MAN1A1: variants seen among roughly 807,000 people sequenced by gnomAD.
MAN1A1 encodes the protein mannosyl-oligosaccharide 1,2-alpha-mannosidase IA.
In MAN1A1, 29 loss-of-function variants were observed where a neutral mutation model predicts 70.8. The observed-to-expected ratio is 0.41, with a 90% CI of 0.31 to 0.56. MAN1A1 has a LOEUF of 0.56. Ranked by LOEUF, MAN1A1 falls within the 20% of genes least tolerant of loss-of-function variation. The pLI is 0.29. For missense variants in MAN1A1, 747 were observed against 841.3 expected (o/e 0.89, Z 1.39); for synonymous variants, 349 against 330.1 (o/e 1.06, Z -0.62).
At chr6:119,229,812 T>C (rs539976347) in intron 6 of MAN1A1, among the ~76,000 whole-genome samples, 41 of 152,248 alleles carry the variant, frequency 2.7e-4, no homozygotes, top group Non-Finnish European at 4.4e-4. Flanking sequence ...TTCAGTTTTT[T>C]GGTAACTGGA....
chr6:119,243,060 A>G (rs1438986385), intron 6 of MAN1A1, among the ~76,000 whole-genome samples: 1 of 152,128 alleles, frequency 6.6e-6, no homozygotes, highest in Non-Finnish European at 1.5e-5. Flanking sequence ...ACTTTTCTAC[A>G]GTTTCTAAAC....
intron 5 of MAN1A1, among the ~76,000 whole-genome samples, chr6:119,257,973 T>C (rs1271100818): frequency 6.6e-6 from 1 of 152,110 alleles, no homozygotes; most frequent in East Asian, 1.9e-4. Context: ...GTGAATAATG[T>C]TTACACTAAA....
chr6:119,225,146 T>C (rs1374993537), intron 6 of MAN1A1, among the ~76,000 whole-genome samples: 2 of 147,550 alleles, frequency 1.4e-5, no homozygotes, highest in Non-Finnish European at 3.0e-5. Context: ...TCTGTCTCAA[T>C]AAAAAAAAAA....
chr6:119,195,532 T>A (rs889712258), intron 8 of MAN1A1, among the ~76,000 whole-genome samples: 1 of 152,196 alleles, frequency 6.6e-6, no homozygotes, highest in Non-Finnish European at 1.5e-5. Context: ...CACACACTTT[T>A]TGGTAGCACA....
At chr6:119,276,830 G>A (rs1208074120) in intron 5 of MAN1A1, among the ~76,000 whole-genome samples, 1 of 152,122 alleles carries the variant, frequency 6.6e-6, no homozygotes, top group East Asian at 1.9e-4. Flanking sequence ...ACAAGTAAAT[G>A]CATCAACCTA....
At chr6:119,333,185 C>T (rs954092996) in intron 2 of MAN1A1, among the ~76,000 whole-genome samples, 4 of 152,186 alleles carry the variant, frequency 2.6e-5, no homozygotes, top group African/African-American at 9.7e-5. Flanking sequence ...AGACAGCTTT[C>T]GAGCAATTCT....
intron 5 of MAN1A1, among the ~76,000 whole-genome samples, chr6:119,279,850 A>C (rs905934759): frequency 8.5e-5 from 13 of 152,300 alleles, no homozygotes; most frequent in African/African-American, 2.6e-4. Context: ...TCTTCAATCA[A>C]AAACAATTTG....
chr6:119,256,276 C>T (rs527322640), intron 5 of MAN1A1, among the ~76,000 whole-genome samples: 1 of 152,056 alleles, frequency 6.6e-6, no homozygotes, highest in African/African-American at 2.4e-5. Flanking sequence ...TGAATAGGCA[C>T]TTTAGATTTA....
intron 6 of MAN1A1, among the ~76,000 whole-genome samples, chr6:119,216,867 G>A (rs1423108942): frequency 6.6e-6 from 1 of 152,158 alleles, no homozygotes; most frequent in Non-Finnish European, 1.5e-5. Flanking sequence ...TACTGTGTTT[G>A]CTGAAAACAG....
At chr6:119,247,528 C>A (rs545039315) in intron 6 of MAN1A1, among the ~76,000 whole-genome samples, 1 of 152,132 alleles carries the variant, frequency 6.6e-6, no homozygotes, top group Non-Finnish European at 1.5e-5. Flanking sequence ...GGCAGGAAGG[C>A]GTTAAGAAGG....
Position 119,348,805 on chromosome 6 carries a change from C to CA in MAN1A1, c.260_261insT (p.Lys87AsnfsTer78). The CA allele has an allele frequency of 6.9e-7, 1 of 1,446,626 alleles. No homozygotes were observed. Among genetic ancestry groups the CA allele is most frequent in the Non-Finnish European group, 9.1e-7 (1 of 1,094,410 alleles). 89.6% of individuals were successfully genotyped at this position (1,446,626 alleles called of 1,614,324 possible). ...CCTCGGCGCGCGCCCCGGGCCCGGGCTTGTGGTCGGCGGCCGGCTGCAAGG... is the reference window on the plus strand; with the variant it reads ...CCTCGGCGCGCGCCCCGGGCCCGGGCATTGTGGTCGGCGGCCGGCTGCAAGG... On this transcript the variant is annotated frameshift_variant, in exon 2 of 13. Transcript: ENST00000368468. LOFTEE classifies it high-confidence loss of function.
chr6:119,243,308 T>C (rs1007868666), intron 6 of MAN1A1, among the ~76,000 whole-genome samples: 4 of 152,084 alleles, frequency 2.6e-5, no homozygotes, highest in African/African-American at 9.6e-5. Context: ...TGGAATTGTA[T>C]TCTGCTTCAT....
intron 11 of MAN1A1, among the ~76,000 whole-genome samples, chr6:119,183,949 C>A (rs1773219638): frequency 6.6e-6 from 1 of 151,696 alleles, no homozygotes; most frequent in Admixed American, 6.6e-5. Flanking sequence ...ACAAGGGCTT[C>A]AGAGGTTTAG....
intron 6 of MAN1A1, among the ~76,000 whole-genome samples, chr6:119,225,200 AG>A (rs1774473165): frequency 6.6e-6 from 1 of 152,136 alleles, no homozygotes. Flanking sequence ...ATAAATGAAC[AG>A]AGCTTTGGAG....
At chr6:119,227,086 A>T (rs767206893) in intron 6 of MAN1A1, among the ~76,000 whole-genome samples, 1 of 152,242 alleles carries the variant, frequency 6.6e-6, no homozygotes, top group Non-Finnish European at 1.5e-5. Flanking sequence ...AATACTACTC[A>T]GCAATATAAA....
At position 119,231,488 on chromosome 6, in the gene MAN1A1, T is replaced by G. The variant is rs553851558; in HGVS notation, c.992+16772A>C. Among the ~76,000 whole-genome samples, 4 of 152,334 alleles carry G rather than the reference T, an allele frequency of 2.6e-5. No individual in the cohort carries two copies. In the East Asian group the frequency reaches 7.7e-4, roughly 29 times the overall value. ...GAGTCAATTAAATCTCTTTCCTTTA[T>G]AAATTCCCCAGTCTTGGGTTTTTCT... On this transcript the variant is annotated intron_variant, in intron 6 of 12. Coordinates refer to ENST00000368468, the MANE Select transcript of MAN1A1 (RefSeq NM_005907.4).
intron 2 of MAN1A1, among the ~76,000 whole-genome samples, chr6:119,341,351 G>A (rs529865791): frequency 7.9e-5 from 12 of 152,294 alleles, no homozygotes; most frequent in East Asian, 1.9e-4. Context: ...ATTTAGGGCT[G>A]AGGAGGAGGG....
chr6:119,233,046 G>A (rs1241445742), intron 6 of MAN1A1, among the ~76,000 whole-genome samples: 1 of 151,954 alleles, frequency 6.6e-6, no homozygotes, highest in Non-Finnish European at 1.5e-5. Context: ...TCACTTTCTT[G>A]CTCACTAGAC....
At chr6:119,278,540 C>T (rs191872110) in intron 5 of MAN1A1, among the ~76,000 whole-genome samples, 64 of 152,012 alleles carry the variant, frequency 4.2e-4, no homozygotes, top group Admixed American at 2.8e-3. Flanking sequence ...ATCACTTCAC[C>T]GGTACTTAGT....
Sources: allele counts gnomAD v4.1 joint callset (sites outside exome capture counted in the v4.1 genomes callset), GRCh38; gene constraint gnomAD v4.1.1; transcripts MANE v1.5; gene names NCBI Gene and HGNC (gene_info 2026-07-23, HGNC 2026-07-21).